Variants in PADI3 observed in about 807,000 individuals in gnomAD.
PADI3 encodes protein-arginine deiminase type-3.
Under a neutral mutation model 71.5 loss-of-function variants are expected in PADI3, and 53 were observed. The ratio of observed to expected loss-of-function variants is 0.74; its 90% CI spans 0.59 to 0.93. The LOEUF (loss-of-function observed/expected upper bound fraction) is 0.93. Among genes scored for constraint, PADI3 ranks in the 40% least tolerant of loss-of-function variants. The pLI is 0.00. For synonymous variants in PADI3, 361 were observed against 347.5 expected (o/e 1.04, Z -0.43); for missense variants, 821 against 868.0 (o/e 0.95, Z 0.68).
chr1:17,261,363 C>A (rs2073101016), intron 2 of PADI3, among the ~76,000 whole-genome samples: 1 of 152,220 alleles, frequency 6.6e-6, no homozygotes. Context: ...ATCTTCACAG[C>A]CTCTAATTAG....
chr1:17,252,879 T>G (rs537148634), intron 1 of PADI3, among the ~76,000 whole-genome samples: 1 of 152,306 alleles, frequency 6.6e-6, no homozygotes, highest in East Asian at 1.9e-4. Context: ...TGGCTGCTCA[T>G]GTGGCTGAGG....
chr1:17,250,811 C>G (rs147094887), intron 1 of PADI3, among the ~76,000 whole-genome samples: 1 of 152,216 alleles, frequency 6.6e-6, no homozygotes, highest in African/African-American at 2.4e-5. Context: ...GATGTGTCTC[C>G]GGTTTGACCT....
At chr1:17,280,558 G>A in intron 14 of PADI3, 113 bp from the exon 15 acceptor site, 5 of 1,535,324 alleles carry the variant, frequency 3.3e-6, no homozygotes, top group Non-Finnish European at 4.5e-6. Flanking sequence ...CAGACAGAGG[G>A]GTCCCAACAC....
intron 1 of PADI3, among the ~76,000 whole-genome samples, chr1:17,255,819 T>C (rs1367185448): frequency 6.6e-6 from 1 of 152,120 alleles, no homozygotes; most frequent in Non-Finnish European, 1.5e-5. Context: ...CCCCACCAGA[T>C]AGATGTCGAT....
chr1:17,258,036 G>A (rs933354266), intron 1 of PADI3, among the ~76,000 whole-genome samples: 2 of 152,180 alleles, frequency 1.3e-5, no homozygotes, highest in East Asian at 1.9e-4. Context: ...ATCCCAGCCC[G>A]GCCACAGACC....
At chr1:17,280,913 AG>A in intron 15 of PADI3, 117 bp downstream of exon 15, 1 of 1,248,600 alleles carries the variant, frequency 8.0e-7, no homozygotes, top group South Asian at 1.3e-5. Context: ...TGGGGGTGGC[AG>A]GGAGAATCAG....
chr1:17,266,638 C>T (rs1290393058), intron 4 of PADI3, 81 bp from the exon 5 acceptor site: 3 of 1,168,556 alleles, frequency 2.6e-6, no homozygotes, highest in Admixed American at 3.4e-5. Flanking sequence ...TGGGTGGTTA[C>T]AGGCCAGGCT....
At chr1:17,259,468 TG>T in intron 1 of PADI3, 109 bp from the exon 2 acceptor site, 2 of 920,718 alleles carry the variant, frequency 2.2e-6, no homozygotes, top group Non-Finnish European at 3.3e-6. Flanking sequence ...CTGAGGGGAC[TG>T]GGTGGCCAAG....
chr1:17,260,813 G>T lies in PADI3; in HGVS notation c.273+1055G>T, dbSNP rs1350668528. The stretch of plus-strand genomic sequence containing the variant: ...GTGAGAGTCAGGACAGAGTCCCAGG[G>T]GTAGTGCAAGAGGACTGGCCAGCCT... On this transcript the variant is annotated intron_variant, in intron 2 of 15. Transcript: ENST00000375460. Among the ~76,000 whole-genome samples the T allele has an allele frequency of 2.0e-5, 3 of 152,298 alleles. No homozygotes were observed. The East Asian group carries it at 5.8e-4, about 29-fold the overall frequency.
In PADI3 at chr1:17,263,134, G is replaced by A. The variant is rs144370977; in HGVS notation, c.346+929G>A. On this transcript the variant is annotated intron_variant, in intron 3 of 15. Transcript: ENST00000375460. ...TCTCCATGTTGGCCAGGCTGGTCTTGAACTCCTGACCTCAGATGATCTGCC... is the reference window on the plus strand; with the variant it reads ...TCTCCATGTTGGCCAGGCTGGTCTTAAACTCCTGACCTCAGATGATCTGCC... Among the ~76,000 whole-genome samples, 1,117 of 152,296 alleles carry A rather than the reference G, an allele frequency of 7.3e-3. 30 individuals carry two copies. The highest frequency in any genetic ancestry group is 0.051 in the Admixed American group (785 of 15,300).
At position 17,275,678 on chromosome 1, in the gene PADI3, A is replaced by T. The variant is rs74061516; in HGVS notation, c.1308-841A>T. ...GACACAGGGGTGCTGATGGAAAAGG[A>T]ATCCTATCATATTGGTTACTTGCTG... On this transcript the variant is annotated intron_variant, in intron 11 of 15. Coordinates refer to ENST00000375460, the MANE Select transcript of PADI3 (RefSeq NM_016233.2). Among the ~76,000 whole-genome samples, 1,041 of 152,310 alleles carry T rather than the reference A, an allele frequency of 6.8e-3. 16 individuals carry two copies. The highest frequency in any genetic ancestry group is 0.023 in the African/African-American group (974 of 41,560).
chr1:17,252,402 T>TTTTA (rs1235423466), intron 1 of PADI3, among the ~76,000 whole-genome samples: 4 of 93,386 alleles, frequency 4.3e-5, no homozygotes, highest in Non-Finnish European at 9.3e-5. Context: ...TTCTTCTTCT[T>TTTTA]TTTTTTTTTT....
rs1279031059 is a variant in PADI3, at chr1:17,259,574, C to G, written c.93-4C>G. 1.3e-6 allele frequency: 2 copies of G among 1,597,202 alleles called. No homozygotes were observed. The highest frequency in any genetic ancestry group is 4.5e-5 in the East Asian group (2 of 44,346). ...CACCGACCATGGCTCTCTGCCCTGCCCAGGTCAGTGCCTGAGGGCACAGAA... is the reference window on the plus strand; with the variant it reads ...CACCGACCATGGCTCTCTGCCCTGCGCAGGTCAGTGCCTGAGGGCACAGAA... On this transcript the variant is annotated splice_polypyrimidine_tract_variant and splice_region_variant and intron_variant, in intron 1 of 15. Transcript: ENST00000375460.
rs553199090 is a variant in PADI3 at position 17,266,433 on chromosome 1, G to C, written c.409-286G>C. On this transcript the variant is annotated intron_variant, in intron 4 of 15. Transcript: ENST00000375460. ...CAAGGAGGGTTTAATGGAGGAATGA[G>C]CACAGAGTGAGGCGTGTGGTCCTAT... Among the ~76,000 whole-genome samples the C allele has an allele frequency of 2.0e-5, 3 of 152,296 alleles. No homozygotes were observed. In the South Asian group the frequency reaches 6.2e-4, roughly 32 times the overall value.
At chr1:17,252,900 G>A (rs112173517) in intron 1 of PADI3, among the ~76,000 whole-genome samples, 8 of 152,284 alleles carry the variant, frequency 5.3e-5, no homozygotes, top group African/African-American at 1.7e-4. Context: ...GGCCCGCGAA[G>A]CTGGTCACCT....
intron 1 of PADI3, 69 bp from the exon 2 acceptor site, chr1:17,259,509 G>A (rs1045777011): frequency 2.8e-6 from 4 of 1,445,700 alleles, no homozygotes; most frequent in African/African-American, 1.4e-5. Context: ...CAGGGCTTGA[G>A]CCAAAGCTCA....
chr1:17,271,350 C>T (rs570747148), intron 9 of PADI3, among the ~76,000 whole-genome samples, 172 bp downstream of exon 9: 2 of 152,252 alleles, frequency 1.3e-5, no homozygotes, highest in Admixed American at 6.5e-5. Flanking sequence ...TGGAGACCCA[C>T]GCTGATCCTG....
chr1:17,268,202 A>G (rs1208120243), intron 6 of PADI3, among the ~76,000 whole-genome samples: 1 of 152,236 alleles, frequency 6.6e-6, no homozygotes, highest in Admixed American at 6.5e-5. Context: ...CTTTTCAAAT[A>G]CATTTTAAGC....
intron 5 of PADI3, 31 bp from the exon 6 acceptor site, chr1:17,267,806 T>G: frequency 2.5e-6 from 4 of 1,610,808 alleles, no homozygotes; most frequent in Non-Finnish European, 3.4e-6. Flanking sequence ...AGGACTCCCT[T>G]GAGTCACTAC....
Sources: gnomAD v4.1 joint callset for allele counts (sites outside exome capture counted in the v4.1 genomes callset) on GRCh38, gnomAD v4.1.1 for gene constraint, MANE v1.5 for transcripts, NCBI Gene and HGNC (gene_info 2026-07-23, HGNC 2026-07-21) for gene names.